ISM1: variants seen among roughly 807,000 people sequenced by gnomAD.
The protein encoded by ISM1 is isthmin-1.
In ISM1, 25 loss-of-function variants were observed where a neutral mutation model predicts 46.3. The ratio of observed to expected loss-of-function variants is 0.54; its 90% CI spans 0.39 to 0.75. The LOEUF is 0.75. ISM1 is among the 30% of genes least tolerant of loss of function. ISM1 has a pLI of 0.00. For missense variants in ISM1, 536 were observed against 625.4 expected (o/e 0.86, Z 1.52); for synonymous variants, 255 against 256.7 (o/e 0.99, Z 0.06).
At chr20:13,309,344 T>C in the ISM1 span, among the ~76,000 whole-genome samples, 1 of 151,428 alleles carries the variant, frequency 6.6e-6, no homozygotes, top group Non-Finnish European at 1.5e-5. Context: ...TCTCAAGAGA[T>C]GAAGAGAGTA....
chr20:13,235,556 G>C (rs56380872), intron 1 of ISM1, among the ~76,000 whole-genome samples: 1 of 152,198 alleles, frequency 6.6e-6, no homozygotes, highest in Non-Finnish European at 1.5e-5. Context: ...GTGAGTCCCA[G>C]AGGGCCCTGC....
At chr20:13,306,012 C>T in the ISM1 span, among the ~76,000 whole-genome samples, 2 of 152,096 alleles carry the variant, frequency 1.3e-5, no homozygotes, top group Non-Finnish European at 1.5e-5. Context: ...TATGACTTTG[C>T]TAATTTTCTA....
chr20:13,277,221 A>G (rs1400993881), intron 2 of ISM1, among the ~76,000 whole-genome samples: 1 of 152,184 alleles, frequency 6.6e-6, no homozygotes, highest in Non-Finnish European at 1.5e-5. Context: ...ATTGCAGGGC[A>G]CGTTTTGTTT....
the ISM1 span, among the ~76,000 whole-genome samples, chr20:13,309,235 A>G: frequency 5.3e-5 from 8 of 152,126 alleles, no homozygotes; most frequent in African/African-American, 2.4e-5. Context: ...GAGATGAATG[A>G]CAGTGAGTGG....
At position 13,279,628 on chromosome 20, in the gene ISM1, C is replaced by T. The variant is rs752340439; in HGVS notation, c.379-6C>T. ...CACTGACCCCAGCCTGTTCTGAATT[C>T]TTCAGGTCACCATAGAGGTGGTCGA... On this transcript the variant is annotated splice_region_variant and splice_polypyrimidine_tract_variant and intron_variant, in intron 2 of 5. Transcript: ENST00000262487. The T allele has an allele frequency of 1.2e-6, 2 of 1,610,554 alleles. No homozygotes were observed. Among genetic ancestry groups the T allele is most frequent in the Non-Finnish European group, 1.7e-6 (2 of 1,177,666 alleles).
intron 3 of ISM1, 99 bp downstream of exon 3, chr20:13,279,997 C>G (rs1389196575): frequency 7.4e-6 from 9 of 1,221,836 alleles, no homozygotes; most frequent in Non-Finnish European, 1.0e-5. Context: ...GAGCATGTGG[C>G]TTTTGGTCTT....
the ISM1 span, among the ~76,000 whole-genome samples, chr20:13,314,073 C>A: frequency 6.6e-6 from 1 of 151,666 alleles, no homozygotes; most frequent in African/African-American, 2.4e-5. Context: ...TAGAAACCAC[C>A]AAAACTGAAA....
At chr20:13,283,034 T>C (rs2040254555) in intron 3 of ISM1, among the ~76,000 whole-genome samples, 1 of 152,118 alleles carries the variant, frequency 6.6e-6, no homozygotes, top group East Asian at 1.9e-4. Context: ...TTCTTTCTGT[T>C]TTTTTATTTA....
the ISM1 span, among the ~76,000 whole-genome samples, chr20:13,321,362 A>C: frequency 0.12 from 17,786 of 151,896 alleles, 1,201 homozygotes; most frequent in Admixed American, 0.18. Context: ...ACTGATGACA[A>C]TTGTCAAAAT....
chr20:13,299,629 A>T lies in ISM1; in HGVS notation c.*170A>T, dbSNP rs2040441283. 2.9e-6 allele frequency: 2 copies of T among 682,592 alleles called. No homozygotes were observed. The highest frequency in any genetic ancestry group is 2.4e-5 in the South Asian group (1 of 42,184). The allele number at this position is 682,592 out of a possible 1,614,324, so 42.3% of individuals were successfully genotyped here. A position where few individuals can be genotyped will look rare whatever the true frequency, so the allele number is the denominator to read the frequency against. ...TAGGGGCGTGTGCCACGCCCAGGGG[A>T]CTGCCTTGTGAAGCCGCCCTCGCCA... On this transcript the variant is annotated 3_prime_UTR_variant, in exon 6 of 6. Transcript: ENST00000262487. The surrounding 1 kb of genome is among the most constrained non-coding windows in gnomAD (Gnocchi z 5.8).
At chr20:13,267,907 GC>G (rs1422015018) in intron 1 of ISM1, among the ~76,000 whole-genome samples, 1 of 152,102 alleles carries the variant, frequency 6.6e-6, no homozygotes, top group African/African-American at 2.4e-5. Context: ...CAAATTCTGG[GC>G]CCCTTCCAAG....
intron 3 of ISM1, among the ~76,000 whole-genome samples, chr20:13,281,587 C>T (rs866451480): frequency 1.6e-4 from 25 of 152,206 alleles, no homozygotes; most frequent in Non-Finnish European, 8.8e-5. Flanking sequence ...GAGATTCACC[C>T]CAGGCAGTCT....
intron 1 of ISM1, among the ~76,000 whole-genome samples, chr20:13,222,348 A>G (rs971910820): frequency 6.6e-6 from 1 of 152,118 alleles, no homozygotes; most frequent in African/African-American, 2.4e-5. Flanking sequence ...CTTTGGGAGA[A>G]AGAACTCCGG....
chr20:13,290,983 G>A (rs955511655), intron 4 of ISM1, among the ~76,000 whole-genome samples: 38 of 152,210 alleles, frequency 2.5e-4, no homozygotes, highest in Admixed American at 1.2e-3. Context: ...TCTTTACCAA[G>A]AGAAGGGTAT....
At chr20:13,280,318 T>C (rs2040224718) in intron 3 of ISM1, among the ~76,000 whole-genome samples, 1 of 151,894 alleles carries the variant, frequency 6.6e-6, no homozygotes, top group South Asian at 2.1e-4. Context: ...GGCAACTGTG[T>C]TATGTTTGAT....
the ISM1 span, among the ~76,000 whole-genome samples, chr20:13,321,582 G>C: frequency 1.3e-5 from 2 of 152,198 alleles, no homozygotes; most frequent in African/African-American, 4.8e-5. Context: ...GCCTCAGCCT[G>C]AGCACAGGGA....
At chr20:13,265,404 T>G (rs58002872) in intron 1 of ISM1, among the ~76,000 whole-genome samples, 1,826 of 152,322 alleles carry the variant, frequency 0.012, 38 homozygotes, top group African/African-American at 0.039. Context: ...TTCATGAGTA[T>G]CCTTATGGAT....
chr20:13,246,471 C>T (rs2039795919), intron 1 of ISM1, among the ~76,000 whole-genome samples: 1 of 152,180 alleles, frequency 6.6e-6, no homozygotes. Context: ...CTGTAGCTTA[C>T]TCCTCTGTTA....
intron 3 of ISM1, among the ~76,000 whole-genome samples, chr20:13,282,621 T>C (rs1568685302): frequency 6.6e-6 from 1 of 152,188 alleles, no homozygotes; most frequent in African/African-American, 2.4e-5. Flanking sequence ...GCCTGGGCCA[T>C]GGAGAAGCTC....
Sources: gnomAD v4.1 joint callset for allele counts (sites outside exome capture counted in the v4.1 genomes callset) on GRCh38, gnomAD v4.1.1 for gene constraint, Gnocchi (gnomAD v3.1) non-coding constraint, MANE v1.5 for transcripts, NCBI Gene and HGNC (gene_info 2026-07-23, HGNC 2026-07-21) for gene names.